The following MED25 variants were observed in gnomAD, a reference collection of about 807,000 sequenced individuals.
MED25 encodes the protein mediator complex subunit 25.
In MED25, 62 loss-of-function variants were observed where a neutral mutation model predicts 89.4. The ratio of observed to expected loss-of-function variants is 0.69; its 90% CI spans 0.57 to 0.86. MED25 has a LOEUF of 0.86. Ranked by LOEUF, MED25 falls within the 40% of genes least tolerant of loss-of-function variation. The pLI is 0.00. For synonymous variants in MED25, 449 were observed against 427.9 expected (o/e 1.05, Z -0.61); for missense variants, 905 against 1,005.2 (o/e 0.90, Z 1.35).
In MED25 at chr19:49,834,680, G is replaced by A. The variant is rs2074082899; in HGVS notation, c.1483-306G>A. Reference sequence around the variant, plus strand: ...TCAGCCGCCCTCTGAGGAGGCCGCCGTGGCATTTTATGCCCAAGAAACTGG... The same window carrying A: ...TCAGCCGCCCTCTGAGGAGGCCGCCATGGCATTTTATGCCCAAGAAACTGG... On this transcript the variant is annotated intron_variant, in intron 13 of 17. Transcript: ENST00000312865. The surrounding 1 kb of genome is among the most constrained non-coding windows in gnomAD (Gnocchi z 4.1). 12 of 455,564 alleles carry A rather than the reference G, an allele frequency of 2.6e-5. No homozygotes were observed. The highest frequency in any genetic ancestry group is 2.2e-4 in the South Asian group (10 of 46,410). The allele number at this position is 455,564 out of a possible 1,614,324, so 28.2% of individuals were successfully genotyped here. A position where few individuals can be genotyped will look rare whatever the true frequency, so the allele number is the denominator to read the frequency against.
rs770810459 is a variant in MED25, at chr19:49,830,682, T to G, written c.908-12T>G. 2 of 1,613,796 alleles carry G rather than the reference T, an allele frequency of 1.2e-6. No individual in the cohort carries two copies. Among genetic ancestry groups the G allele is most frequent in the African/African-American group, 1.3e-5 (1 of 74,868 alleles). The stretch of plus-strand genomic sequence containing the variant: ...ACTTGTTCCCCACTTCTTCCCTTGG[T>G]CTCTCCCACAGTCTCGCCCATCACC... On this transcript the variant is annotated splice_polypyrimidine_tract_variant and intron_variant, in intron 8 of 17. Coordinates refer to ENST00000312865, the MANE Select transcript of MED25 (RefSeq NM_030973.4). This position sits in a 1 kb window ranked among gnomAD's most constrained non-coding sequence, Gnocchi z 4.6.
intron 3 of MED25, among the ~76,000 whole-genome samples, chr19:49,826,078 C>T (rs1457271983): frequency 3.3e-5 from 5 of 151,820 alleles, no homozygotes; most frequent in Admixed American, 6.6e-5. Flanking sequence ...CAGTGGCTCA[C>T]GCCTGTAATC....
In MED25 at chr19:49,829,199, G is replaced by C; in HGVS notation, c.525+109G>C. 1 of 979,812 alleles carries C rather than the reference G, an allele frequency of 1.0e-6. No individual in the cohort carries two copies. 60.7% of individuals were successfully genotyped at this position (979,812 alleles called of 1,614,324 possible). A position where few individuals can be genotyped will look rare whatever the true frequency, so the allele number is the denominator to read the frequency against. On this transcript the variant is annotated intron_variant, in intron 5 of 17. Coordinates refer to ENST00000312865, the MANE Select transcript of MED25 (RefSeq NM_030973.4). The surrounding 1 kb of genome is among the most constrained non-coding windows in gnomAD (Gnocchi z 4.6). ...CCTGGGTCTGAGGGAGGAGGCACTG[G>C]GGGCCTGGACTCTTGGGTCTAAGCG...
chr19:49,820,371 T>C (rs2073973862), intron 3 of MED25, among the ~76,000 whole-genome samples: 1 of 152,240 alleles, frequency 6.6e-6, no homozygotes, highest in Non-Finnish European at 1.5e-5. Flanking sequence ...GGTTTATAAC[T>C]CAGGATTGCA....
At position 49,836,334 on chromosome 19, in the gene MED25, G is replaced by A; in HGVS notation, c.2074G>A (p.Gly692Arg). The change falls in exon 17 of 18, where the codon GGG becomes AGG. Residue 692 changes from glycine to arginine, a missense_variant. This residue lies in a region of MED25 where 271 missense variants were observed against 258.1 expected (regional missense o/e 1.05). Coordinates refer to ENST00000312865, the MANE Select transcript of MED25 (RefSeq NM_030973.4). This position sits in a 1 kb window ranked among gnomAD's most constrained non-coding sequence, Gnocchi z 5.1. Reference protein sequence around the residue: ...PHQGLGQPQLGPPLLHPPPAQ... With the variant: ...PHQGLGQPQLRPPLLHPPPAQ... ...CCAGGGCCTGGGGCAGCCCCAGTTG[G>A]GGCCCCCACTCCTGCATCCACCACC... 6.2e-7 allele frequency: 1 copy of A among 1,610,120 alleles called. No homozygotes were observed. Among genetic ancestry groups the A allele is most frequent in the South Asian group, 1.1e-5 (1 of 90,596 alleles).
In MED25 at chr19:49,836,775, C is replaced by G. The variant is rs1438484690; in HGVS notation, c.2147-72C>G. The G allele has an allele frequency of 4.2e-6, 5 of 1,194,136 alleles. No homozygotes were observed. The highest frequency in any genetic ancestry group is 6.1e-6 in the Non-Finnish European group (5 of 813,036). 74.0% of individuals were successfully genotyped at this position (1,194,136 alleles called of 1,614,324 possible). A position where few individuals can be genotyped will look rare whatever the true frequency, so the allele number is the denominator to read the frequency against. On this transcript the variant is annotated intron_variant, in intron 17 of 17. Transcript: ENST00000312865. This position sits in a 1 kb window ranked among gnomAD's most constrained non-coding sequence, Gnocchi z 5.1. ...GGTCCCCCAAGGGCTGCCTAGAAAA[C>G]TTAGTGCCTCTGGGCCCTCCTGGGC...
intron 3 of MED25, among the ~76,000 whole-genome samples, chr19:49,823,778 A>C (rs965422750): frequency 2.0e-5 from 3 of 152,178 alleles, no homozygotes; most frequent in Non-Finnish European, 4.4e-5. Flanking sequence ...CGTAGGTAAC[A>C]CAGAGCAGGG....
intron 2 of MED25, 101 bp from the exon 3 acceptor site, chr19:49,819,070 TC>T (rs2073962555): frequency 7.0e-7 from 1 of 1,431,396 alleles, no homozygotes; most frequent in Non-Finnish European, 9.7e-7. Flanking sequence ...GCTGAGGAGT[TC>T]CTGGTTCTGG....
intron 3 of MED25, among the ~76,000 whole-genome samples, chr19:49,823,088 G>A (rs184416177): frequency 6.6e-6 from 1 of 152,292 alleles, no homozygotes; most frequent in Admixed American, 6.5e-5. Flanking sequence ...ACCTAGGACT[G>A]CAGGTGGGCA....
At chr19:49,823,132 C>G (rs1375836914) in intron 3 of MED25, among the ~76,000 whole-genome samples, 1 of 152,030 alleles carries the variant, frequency 6.6e-6, no homozygotes, top group Non-Finnish European at 1.5e-5. Context: ...TATTTTAATT[C>G]TTGTAGAGAT....
chr19:49,830,227 AT>A lies in MED25; in HGVS notation c.819+12del. 1.2e-6 allele frequency: 2 copies of A among 1,604,680 alleles called. No homozygotes were observed. The highest frequency in any genetic ancestry group is 8.5e-7 in the Non-Finnish European group (1 of 1,175,432). On this transcript the variant is annotated intron_variant, in intron 7 of 17. Transcript: ENST00000312865. The surrounding 1 kb of genome is among the most constrained non-coding windows in gnomAD (Gnocchi z 4.6). ...TCCCCCCGCAGTACCAGGTATGGAT[AT>A]TTCCGGGAAGGGACATGCTTCTGGG...
intron 3 of MED25, among the ~76,000 whole-genome samples, chr19:49,828,161 G>T (rs529269950): frequency 6.6e-6 from 1 of 151,936 alleles, no homozygotes; most frequent in African/African-American, 2.4e-5. Flanking sequence ...CCCAGGAAGC[G>T]GAGCTTGCAG....
downstream of MED25, chr19:49,837,111 GA>G: frequency 1.4e-6 from 1 of 690,088 alleles, no homozygotes. Context: ...CCTCCGTGGT[GA>G]GTCACAGGCA....
At chr19:49,827,547 T>C (rs1028084275) in intron 3 of MED25, among the ~76,000 whole-genome samples, 1 of 152,102 alleles carries the variant, frequency 6.6e-6, no homozygotes. Flanking sequence ...CCTTGTGTCT[T>C]CCCTCTGTGT....
chr19:49,819,446 T>G, intron 3 of MED25, 150 bp downstream of exon 3: 1 of 828,286 alleles, frequency 1.2e-6, no homozygotes. Flanking sequence ...TGTGAATAAG[T>G]AATGGCTTGG....
chr19:49,835,649 C>G lies in MED25; in HGVS notation c.1746+44C>G. ...GGGTCGGGGCTGGGTTGGGGAGGCC[C>G]CAAGGCTGCGCTCTGTGCCTGCAGA... On this transcript the variant is annotated intron_variant, in intron 15 of 17. Coordinates refer to ENST00000312865, the MANE Select transcript of MED25 (RefSeq NM_030973.4). This position sits in a 1 kb window ranked among gnomAD's most constrained non-coding sequence, Gnocchi z 6.2. 2 of 1,561,682 alleles carry G rather than the reference C, an allele frequency of 1.3e-6. No individual in the cohort carries two copies. Among genetic ancestry groups the G allele is most frequent in the Non-Finnish European group, 8.7e-7 (1 of 1,153,618 alleles).
At chr19:49,825,911 C>G (rs1333847491) in intron 3 of MED25, among the ~76,000 whole-genome samples, 3 of 152,080 alleles carry the variant, frequency 2.0e-5, no homozygotes, top group African/African-American at 7.2e-5. Context: ...TCCCCCCATC[C>G]CCAGCCAGGG....
At chr19:49,832,823 CT>C in intron 13 of MED25, 1 of 313,168 alleles carries the variant, frequency 3.2e-6, no homozygotes, top group Non-Finnish European at 6.2e-6. Flanking sequence ...GCCACGCTCT[CT>C]CTAGAGGCTG....
chr19:49,834,878 C>A lies in MED25; in HGVS notation c.1483-108C>A. On this transcript the variant is annotated intron_variant, in intron 13 of 17. Coordinates refer to ENST00000312865, the MANE Select transcript of MED25 (RefSeq NM_030973.4). The surrounding 1 kb of genome is among the most constrained non-coding windows in gnomAD (Gnocchi z 4.1). ...CTCCTTAACCTTCTATAGCAGAAAC[C>A]TCACCTCACCTTGCCTGTGGGGCCT... is the stretch of plus-strand genomic sequence containing the variant. 1 of 1,170,702 alleles carries A rather than the reference C, an allele frequency of 8.5e-7. No homozygotes were observed. Among genetic ancestry groups the A allele is most frequent in the Non-Finnish European group, 1.3e-6 (1 of 787,426 alleles). 72.5% of individuals were successfully genotyped at this position (1,170,702 alleles called of 1,614,324 possible).
Sources: allele counts gnomAD v4.1 joint callset (sites outside exome capture counted in the v4.1 genomes callset), GRCh38; gene constraint gnomAD v4.1.1; regional missense constraint gnomAD v4.1.1; non-coding constraint Gnocchi (gnomAD v3.1); transcripts MANE v1.5; gene names NCBI Gene and HGNC (gene_info 2026-07-23, HGNC 2026-07-21).